PCDH15: variants seen among roughly 807,000 people sequenced by gnomAD.
PCDH15 encodes protocadherin-15.
PCDH15 carries 129 observed loss-of-function variants against 178.5 expected under a neutral mutation model. That is an observed-to-expected ratio of 0.72 (90% CI 0.63 to 0.84). PCDH15 has a LOEUF of 0.84. PCDH15 is among the 40% of genes least tolerant of loss of function. PCDH15 has a pLI of 0.00. For missense variants in PCDH15, 2,230 were observed against 2,099.9 expected (o/e 1.06, Z -1.21); for synonymous variants, 800 against 732.0 (o/e 1.09, Z -1.50).
intron 3 of PCDH15, among the ~76,000 whole-genome samples, chr10:54,462,432 C>T (rs1417927947): frequency 1.3e-5 from 2 of 151,114 alleles, no homozygotes; most frequent in African/African-American, 2.4e-5. Context: ...TGGAAAATTC[C>T]TTACATCCAA....
intron 3 of PCDH15, among the ~76,000 whole-genome samples, chr10:54,382,485 T>C (rs376411320): frequency 5.3e-5 from 8 of 152,150 alleles, no homozygotes; most frequent in Non-Finnish European, 1.0e-4. Flanking sequence ...TACAAGAGGA[T>C]AGTGGGCATT....
intron 18 of PCDH15, among the ~76,000 whole-genome samples, chr10:54,033,163 G>A (rs2093339676): frequency 6.6e-6 from 1 of 151,852 alleles, no homozygotes; most frequent in Admixed American, 6.6e-5. Context: ...CAGTTTTAAA[G>A]TAAGTACAAT....
rs187529817 is a variant in PCDH15 at position 54,631,318 on chromosome 10, G to A, written c.91+32854C>T. ...ATGCTGGTGCTGTGCTTCCTGTACA[G>A]CCTGCAGAACAATTAGCCAATTCAA... On this transcript the variant is annotated intron_variant, in intron 2 of 37. Transcript: ENST00000644397. Among the ~76,000 whole-genome samples the A allele has an allele frequency of 1.5e-3, 229 of 152,248 alleles. 1 individual carries two copies. Among genetic ancestry groups the A allele is most frequent in the African/African-American group, 5.4e-3 (223 of 41,546 alleles).
intron 23 of PCDH15, among the ~76,000 whole-genome samples, chr10:53,941,663 T>C (rs954945829): frequency 2.6e-5 from 4 of 152,176 alleles, no homozygotes; most frequent in African/African-American, 9.7e-5. Flanking sequence ...ATTTCAACTC[T>C]TCTGGGTAAA....
chr10:54,296,166 A>AAG (rs1216002058), intron 8 of PCDH15, among the ~76,000 whole-genome samples: 3 of 148,490 alleles, frequency 2.0e-5, no homozygotes, highest in Non-Finnish European at 4.4e-5. Flanking sequence ...AAAAAAAAAA[A>AAG]AAAGTGGTTG....
At chr10:54,969,540 G>A (rs1445460522) in intron 2 of PCDH15, among the ~76,000 whole-genome samples, 1 of 152,136 alleles carries the variant, frequency 6.6e-6, no homozygotes, top group African/African-American at 2.4e-5. Context: ...ACATTCAACT[G>A]CAGACTTAAG....
chr10:55,624,440 AC>A (rs1266198465), intron 2 of PCDH15, among the ~76,000 whole-genome samples: 7 of 150,854 alleles, frequency 4.6e-5, no homozygotes, highest in African/African-American at 1.7e-4. Context: ...ACTAGAAGCC[AC>A]CCGACACTTT....
intron 3 of PCDH15, among the ~76,000 whole-genome samples, chr10:54,489,577 T>C (rs549830104): frequency 6.6e-6 from 1 of 152,266 alleles, no homozygotes; most frequent in Non-Finnish European, 1.5e-5. Flanking sequence ...CTCTGGAGTG[T>C]AGAGTCTCTG....
intron 2 of PCDH15, among the ~76,000 whole-genome samples, chr10:55,509,574 C>T (rs112920285): frequency 9.2e-5 from 14 of 151,946 alleles, no homozygotes; most frequent in Non-Finnish European, 8.8e-5. Flanking sequence ...GTGATTTATA[C>T]GGCTGTCCCA....
chr10:54,330,922 T>C (rs1939397034), intron 6 of PCDH15, among the ~76,000 whole-genome samples: 1 of 151,826 alleles, frequency 6.6e-6, no homozygotes, highest in South Asian at 2.1e-4. Context: ...TGTGATTTTT[T>C]TGTGAAATAT....
At chr10:55,033,494 C>G (rs1840661123) in intron 2 of PCDH15, among the ~76,000 whole-genome samples, 1 of 152,136 alleles carries the variant, frequency 6.6e-6, no homozygotes, top group African/African-American at 2.4e-5. Flanking sequence ...GACCTATTAC[C>G]CCTTTCTTCT....
chr10:54,532,885 A>G (rs1565524267), intron 2 of PCDH15, among the ~76,000 whole-genome samples: 1 of 152,076 alleles, frequency 6.6e-6, no homozygotes, highest in Admixed American at 6.5e-5. Context: ...AAAGATGTAC[A>G]TGCTAGGTTC....
intron 8 of PCDH15, among the ~76,000 whole-genome samples, chr10:54,308,342 G>A (rs778252703): frequency 1.3e-4 from 20 of 152,058 alleles, no homozygotes; most frequent in Admixed American, 2.6e-4. Flanking sequence ...TCCTTAACAA[G>A]AAGAGTTAGA....
intron 3 of PCDH15, among the ~76,000 whole-genome samples, chr10:54,512,341 G>T (rs1170841537): frequency 2.1e-5 from 3 of 142,702 alleles, no homozygotes; most frequent in Admixed American, 7.4e-5. Context: ...TTTGAACATG[G>T]TATAGACATT....
At chr10:54,541,430 C>G (rs1431960531) in intron 2 of PCDH15, among the ~76,000 whole-genome samples, 2 of 152,024 alleles carry the variant, frequency 1.3e-5, no homozygotes, top group East Asian at 3.8e-4. Context: ...GATAATGGAA[C>G]TATACTTTCT....
At chr10:54,500,050 C>T (rs1465798364) in intron 3 of PCDH15, among the ~76,000 whole-genome samples, 1 of 152,106 alleles carries the variant, frequency 6.6e-6, no homozygotes. Flanking sequence ...AGCCCAGATG[C>T]CCAACACCAG....
At chr10:53,872,380 A>G (rs1304128259) in intron 26 of PCDH15, among the ~76,000 whole-genome samples, 1 of 152,170 alleles carries the variant, frequency 6.6e-6, no homozygotes, top group African/African-American at 2.4e-5. Context: ...CTAAATTCTG[A>G]CCACAACTTT....
At chr10:54,161,577 A>T (rs902524658) in intron 13 of PCDH15, among the ~76,000 whole-genome samples, 5 of 141,282 alleles carry the variant, frequency 3.5e-5, no homozygotes, top group Admixed American at 2.8e-4. Context: ...TAAACACAGA[A>T]ATTGACCCCC....
intron 2 of PCDH15, among the ~76,000 whole-genome samples, chr10:54,958,435 A>G (rs896601828): frequency 4.6e-5 from 7 of 151,870 alleles, no homozygotes; most frequent in African/African-American, 7.2e-5. Flanking sequence ...AGGAAAAAGA[A>G]TCAAACTTTT....
Sources: allele counts gnomAD v4.1 joint callset (sites outside exome capture counted in the v4.1 genomes callset), GRCh38; gene constraint gnomAD v4.1.1; transcripts MANE v1.5; gene names NCBI Gene and HGNC (gene_info 2026-07-23, HGNC 2026-07-21).